Variants in RANBP1 observed in about 807,000 individuals in gnomAD.
RANBP1 encodes RAN binding protein 1, also known as ran-specific GTPase-activating protein.
A neutral mutation model predicts 31.4 loss-of-function variants in RANBP1; 16 were observed. That is an observed-to-expected ratio of 0.51 (90% CI 0.34 to 0.77). The LOEUF is 0.77. Ranked by LOEUF, RANBP1 falls within the 30% of genes least tolerant of loss-of-function variation. The probability of loss-of-function intolerance (pLI) is 0.01; values close to 1 mark genes in which losing one functional copy is unlikely to be tolerated. For missense variants in RANBP1, 265 were observed against 362.0 expected (o/e 0.73, Z 2.17); for synonymous variants, 129 against 140.5 (o/e 0.92, Z 0.58).
chr22:20,117,546 G>A (rs2050064314), intron 1 of RANBP1: 2 of 1,387,634 alleles, frequency 1.4e-6, no homozygotes, highest in Non-Finnish European at 9.3e-7. Flanking sequence ...CGGGCGGGAG[G>A]CGCCGGCGCC....
intron 1 of RANBP1, chr22:20,118,062 A>G: frequency 1.0e-6 from 1 of 996,282 alleles, no homozygotes; most frequent in South Asian, 4.7e-5. Flanking sequence ...CACTTCATTC[A>G]TTCGGTTCTT....
chr22:20,121,159 TAGTC>T (rs1259853461), intron 2 of RANBP1, among the ~76,000 whole-genome samples: 7 of 152,104 alleles, frequency 4.6e-5, no homozygotes, highest in East Asian at 1.9e-4. Flanking sequence ...TTCACCGAGT[TAGTC>T]AGGATGGTCT....
intron 1 of RANBP1, chr22:20,116,701 G>T: frequency 6.8e-7 from 1 of 1,462,480 alleles, no homozygotes; most frequent in Non-Finnish European, 9.1e-7. Context: ...CCAGACCTCC[G>T]TCGGTGCACT....
At chr22:20,123,002 G>C (rs1462014659) in intron 3 of RANBP1, among the ~76,000 whole-genome samples, 2 of 105,196 alleles carry the variant, frequency 1.9e-5, no homozygotes, top group South Asian at 7.0e-4. Flanking sequence ...GGTGTGGTGG[G>C]GTATGTGGTT....
chr22:20,118,521 A>G (rs2147974481), intron 1 of RANBP1, among the ~76,000 whole-genome samples: 1 of 152,370 alleles, frequency 6.6e-6, no homozygotes, highest in South Asian at 2.1e-4. Flanking sequence ...TTACTAAGCA[A>G]GAGCACAACT....
rs1215901998 is a variant in RANBP1 at position 20,116,776 on chromosome 22, C to T, written c.246+346C>T. 33 of 1,462,944 alleles carry T rather than the reference C, an allele frequency of 2.3e-5. 1 individual carries two copies. The allele number at this position is 1,462,944 out of a possible 1,614,324, so 90.6% of individuals were successfully genotyped here. A position where few individuals can be genotyped will look rare whatever the true frequency, so the allele number is the denominator to read the frequency against. ...ACCCCATTCCCGTCTCCTTTCCTCC[C>T]CTATCGCACCTGCCTCGTCCCCACC... On this transcript the variant is annotated intron_variant, in intron 1 of 5. Coordinates refer to ENST00000430524, the MANE Select transcript of RANBP1 (RefSeq NM_001278639.2).
At chr22:20,119,194 G>A (rs201880499) in intron 2 of RANBP1, 45 bp downstream of exon 2, 18 of 1,582,928 alleles carry the variant, frequency 1.1e-5, no homozygotes, top group Middle Eastern at 1.7e-4. Flanking sequence ...TAAGGTTGAG[G>A]TTACAACTTT....
chr22:20,117,355 G>T, intron 1 of RANBP1: 1 of 1,217,962 alleles, frequency 8.2e-7, no homozygotes, highest in Non-Finnish European at 1.0e-6. Context: ...GCGCTCCTCT[G>T]GCTGACGGGC....
intron 2 of RANBP1, chr22:20,119,525 G>A (rs2050129360): frequency 9.0e-6 from 2 of 222,374 alleles, no homozygotes; most frequent in African/African-American, 4.6e-5. Context: ...CCCACCCGGT[G>A]TCTGTTGTTG....
chr22:20,116,904 C>T (rs2050043745), intron 1 of RANBP1: 9 of 1,601,498 alleles, frequency 5.6e-6, no homozygotes, highest in Middle Eastern at 1.7e-4. Flanking sequence ...GGTTCTCACT[C>T]ATCGCCCAGG....
intron 4 of RANBP1, chr22:20,125,662 A>G: frequency 7.0e-7 from 1 of 1,421,654 alleles, no homozygotes; most frequent in Non-Finnish European, 9.2e-7. Flanking sequence ...GCTGGTGAAC[A>G]GCAGTGCCCG....
rs189965701 is a variant in RANBP1 at position 20,127,117 on chromosome 22, C to G, written c.*65C>G. 7 of 1,364,040 alleles carry G rather than the reference C, an allele frequency of 5.1e-6. No homozygotes were observed. In the East Asian group the frequency reaches 1.5e-4, roughly 30 times the overall value. 84.5% of individuals were successfully genotyped at this position (1,364,040 alleles called of 1,614,324 possible). A position where few individuals can be genotyped will look rare whatever the true frequency, so the allele number is the denominator to read the frequency against. ...TTTTTTTAAAAAATTTTACCCTGCC[C>G]CTCTTTTTCGGTTTGTTTTTATTCT... On this transcript the variant is annotated 3_prime_UTR_variant, in exon 6 of 6. Coordinates refer to ENST00000430524, the MANE Select transcript of RANBP1 (RefSeq NM_001278639.2).
At chr22:20,116,719 C>T in intron 1 of RANBP1, 1 of 1,427,048 alleles carries the variant, frequency 7.0e-7, no homozygotes, top group Non-Finnish European at 9.5e-7. Context: ...ACTCTGCACT[C>T]AGCCCTGCCC....
chr22:20,118,590 A>G (rs777035924), intron 1 of RANBP1, among the ~76,000 whole-genome samples: 24 of 152,344 alleles, frequency 1.6e-4, no homozygotes, highest in Non-Finnish European at 3.1e-4. Flanking sequence ...ATATTTCAAA[A>G]TCTATTTCGA....
intron 1 of RANBP1, chr22:20,117,141 C>T: frequency 1.7e-6 from 1 of 572,224 alleles, no homozygotes; most frequent in Non-Finnish European, 2.9e-6. Context: ...CTGTACCGCC[C>T]GCCCGCCAGG....
chr22:20,127,139 T>C lies in RANBP1; in HGVS notation c.*87T>C. ...GCCCCTCTTTTTCGGTTTGTTTTTA[T>C]TCTTTCATTTTTACAAGGGACGTTA... On this transcript the variant is annotated 3_prime_UTR_variant, in exon 6 of 6. Coordinates refer to ENST00000430524, the MANE Select transcript of RANBP1 (RefSeq NM_001278639.2). The C allele has an allele frequency of 1.8e-6, 2 of 1,142,426 alleles. No homozygotes were observed. The highest frequency in any genetic ancestry group is 2.4e-6 in the Non-Finnish European group (2 of 822,404). 70.8% of individuals were successfully genotyped at this position (1,142,426 alleles called of 1,614,324 possible).
At chr22:20,118,821 A>G (rs1168427951) in intron 1 of RANBP1, among the ~76,000 whole-genome samples, 192 bp from the exon 2 acceptor site, 1 of 152,232 alleles carries the variant, frequency 6.6e-6, no homozygotes, top group Non-Finnish European at 1.5e-5. Context: ...CTGTGCTCAC[A>G]TGGAGCTGGG....
intron 4 of RANBP1, chr22:20,125,642 G>A (rs2050280011): frequency 2.7e-6 from 4 of 1,455,094 alleles, no homozygotes; most frequent in Non-Finnish European, 3.6e-6. Flanking sequence ...ACTCAAAGCT[G>A]TGCCAAGTAG....
At chr22:20,122,822 C>A (rs1241442730) in intron 3 of RANBP1, 1 of 393,112 alleles carries the variant, frequency 2.5e-6, no homozygotes, top group African/African-American at 8.5e-5. Flanking sequence ...TGTGTAGTAT[C>A]TAGGGGGCTG....
Sources: allele counts gnomAD v4.1 joint callset (sites outside exome capture counted in the v4.1 genomes callset), GRCh38; gene constraint gnomAD v4.1.1; transcripts MANE v1.5; gene names NCBI Gene and HGNC (gene_info 2026-07-23, HGNC 2026-07-21).